LINGO2: variants seen among roughly 807,000 people sequenced by gnomAD.
LINGO2 encodes the protein leucine rich repeat and Ig domain containing 2, also known as leucine-rich repeat and immunoglobulin-like domain-containing nogo receptor-interacting protein 2.
A neutral mutation model predicts 30.6 loss-of-function variants in LINGO2; 14 were observed. The ratio of observed to expected loss-of-function variants is 0.46; its 90% CI spans 0.30 to 0.72. The LOEUF is 0.72. Ranked by LOEUF, LINGO2 falls within the 30% of genes least tolerant of loss-of-function variation. The pLI is 0.07. For synonymous variants in LINGO2, 317 were observed against 288.5 expected, an observed-to-expected ratio of 1.10 and a Z score of -1.00; for missense variants, 729 against 751.7, an observed-to-expected ratio of 0.97 and a Z score of 0.35.
chr9:28,999,757 G>C, the LINGO2 span, among the ~76,000 whole-genome samples: 1 of 151,894 alleles, frequency 6.6e-6, no homozygotes, highest in African/African-American at 2.4e-5. Flanking sequence ...TGTATATTGT[G>C]CATTATAAAC....
At chr9:28,678,555 A>C in the LINGO2 span, among the ~76,000 whole-genome samples, 52 of 152,258 alleles carry the variant, frequency 3.4e-4, no homozygotes, top group African/African-American at 1.2e-3. Flanking sequence ...GCTAGACTGC[A>C]TGATGTTAGG....
the LINGO2 span, among the ~76,000 whole-genome samples, chr9:28,834,410 A>G: frequency 2.0e-5 from 3 of 152,220 alleles, no homozygotes; most frequent in South Asian, 2.1e-4. Context: ...GTTGCTATGT[A>G]TCTATTTTAG....
At chr9:28,548,810 G>T (rs911925803) in intron 1 of LINGO2, among the ~76,000 whole-genome samples, 3 of 149,258 alleles carry the variant, frequency 2.0e-5, no homozygotes, top group African/African-American at 7.4e-5. Context: ...CTATAAAAAT[G>T]TAGACACATG....
the LINGO2 span, among the ~76,000 whole-genome samples, chr9:29,187,657 T>C: frequency 6.6e-6 from 1 of 152,152 alleles, no homozygotes; most frequent in Non-Finnish European, 1.5e-5. Context: ...ACATCAAATC[T>C]ATTTTCTATT....
the LINGO2 span, among the ~76,000 whole-genome samples, chr9:29,158,376 G>C: frequency 1.3e-5 from 2 of 151,512 alleles, no homozygotes; most frequent in Non-Finnish European, 2.9e-5. Flanking sequence ...AAATAAAAAA[G>C]ATTAGGAGAT....
At chr9:29,056,443 AT>A in the LINGO2 span, among the ~76,000 whole-genome samples, 3 of 151,716 alleles carry the variant, frequency 2.0e-5, no homozygotes, top group African/African-American at 7.2e-5. Flanking sequence ...GGATGGGATT[AT>A]TTTTTTCTTG....
chr9:28,864,463 T>C, the LINGO2 span, among the ~76,000 whole-genome samples: 2 of 152,156 alleles, frequency 1.3e-5, no homozygotes, highest in Non-Finnish European at 2.9e-5. Flanking sequence ...GAATCCCACC[T>C]TTTAACTTTT....
the LINGO2 span, among the ~76,000 whole-genome samples, chr9:28,926,119 C>G: frequency 6.6e-6 from 1 of 152,220 alleles, no homozygotes; most frequent in African/African-American, 2.4e-5. Flanking sequence ...TTGAGACCAG[C>G]CTGGCCAACA....
At chr9:28,524,660 G>A (rs183803466) in intron 1 of LINGO2, among the ~76,000 whole-genome samples, 163 of 152,280 alleles carry the variant, frequency 1.1e-3, no homozygotes, top group African/African-American at 3.6e-3. Context: ...GGCTAAGGCA[G>A]GAGAATCGCC....
At chr9:28,167,667 G>A (rs1828469954) in intron 4 of LINGO2, among the ~76,000 whole-genome samples, 1 of 152,206 alleles carries the variant, frequency 6.6e-6, no homozygotes, top group Non-Finnish European at 1.5e-5. Context: ...GATTACAGGT[G>A]TGAGCCACTG....
chr9:29,031,578 C>A, the LINGO2 span, among the ~76,000 whole-genome samples: 1 of 152,038 alleles, frequency 6.6e-6, no homozygotes, highest in African/African-American at 2.4e-5. Flanking sequence ...CCACCGCACC[C>A]AGCTGGTGGT....
At chr9:28,848,236 TAC>T in the LINGO2 span, among the ~76,000 whole-genome samples, 463 of 98,682 alleles carry the variant, frequency 4.7e-3, 21 homozygotes, top group African/African-American at 0.021. Flanking sequence ...AGTGTATATA[TAC>T]ACACTATATA....
the LINGO2 span, among the ~76,000 whole-genome samples, chr9:28,719,059 T>G: frequency 6.6e-6 from 1 of 152,002 alleles, no homozygotes; most frequent in Non-Finnish European, 1.5e-5. Flanking sequence ...AACCATCGGA[T>G]GGAAACTCCC....
Position 28,156,069 on chromosome 9 carries a change from T to C in LINGO2, c.-87+139139A>G, listed in dbSNP as rs535188386. On this transcript the variant is annotated intron_variant, in intron 4 of 5. Coordinates refer to ENST00000379992, the Ensembl canonical transcript of LINGO2. The stretch of plus-strand genomic sequence containing the variant: ...ACTGATTTTAATCCTTTCTTTTTAA[T>C]GAATTATTCACTGCAATAGAAAAGA... 2.0e-5 allele frequency among the ~76,000 whole-genome samples: 3 copies of C among 152,350 alleles called. No individual in the cohort carries two copies. In the East Asian group the frequency reaches 5.8e-4, roughly 29 times the overall value.
the LINGO2 span, among the ~76,000 whole-genome samples, chr9:29,071,174 G>GTATTATATTA: frequency 0.2 from 29,118 of 146,912 alleles, 3,022 homozygotes; most frequent in African/African-American, 0.25. Flanking sequence ...GTATTGTATT[G>GTATTATATTA]TATTGTATTG....
chr9:28,966,456 C>T, the LINGO2 span, among the ~76,000 whole-genome samples: 6 of 151,680 alleles, frequency 4.0e-5, no homozygotes, highest in South Asian at 4.2e-4. Context: ...ATTTTTTTTC[C>T]AGATAAAGCA....
At chr9:28,011,554 A>T (rs1258339581) in intron 5 of LINGO2, among the ~76,000 whole-genome samples, 1 of 152,154 alleles carries the variant, frequency 6.6e-6, no homozygotes, top group South Asian at 2.1e-4. Context: ...TGCACACTCA[A>T]ATACATGGTA....
intron 5 of LINGO2, among the ~76,000 whole-genome samples, chr9:28,002,960 T>C (rs1473749332): frequency 1.3e-5 from 2 of 152,178 alleles, no homozygotes; most frequent in African/African-American, 2.4e-5. Flanking sequence ...CCATGGATAG[T>C]TGCTCTCTTG....
the LINGO2 span, among the ~76,000 whole-genome samples, chr9:29,171,899 T>G: frequency 3.3e-5 from 5 of 151,880 alleles, no homozygotes; most frequent in Admixed American, 1.3e-4. Flanking sequence ...CAAAATACAT[T>G]GTGAGAATTC....
Sources: gnomAD v4.1 joint callset for allele counts (sites outside exome capture counted in the v4.1 genomes callset) on GRCh38, gnomAD v4.1.1 for gene constraint, MANE v1.5 for transcripts, NCBI Gene and HGNC (gene_info 2026-07-23, HGNC 2026-07-21) for gene names.